Variants in TMEM154 observed in about 807,000 individuals in gnomAD.
TMEM154 encodes the protein transmembrane protein 154.
TMEM154 carries 27 observed loss-of-function variants against 24.5 expected under a neutral mutation model. The ratio of observed to expected loss-of-function variants is 1.10; its 90% CI spans 0.81 to 1.52. The LOEUF (loss-of-function observed/expected upper bound fraction) is 1.52, where lower values mean the gene tolerates loss of function less well. Among genes scored for constraint, TMEM154 ranks in the 40% most tolerant of loss-of-function variants. TMEM154 has a pLI of 0.00. For missense variants in TMEM154, 228 were observed against 213.4 expected, an observed-to-expected ratio of 1.07 and a Z score of -0.43; for synonymous variants, 67 against 76.8, an observed-to-expected ratio of 0.87 and a Z score of 0.67.
At chr4:152,660,203 T>C (rs1379076671) in intron 1 of TMEM154, among the ~76,000 whole-genome samples, 2 of 152,054 alleles carry the variant, frequency 1.3e-5, no homozygotes, top group African/African-American at 2.4e-5. Flanking sequence ...GGAGAACTAC[T>C]GCAGCCAGAT....
intron 6 of TMEM154, among the ~76,000 whole-genome samples, chr4:152,633,893 T>C (rs535316723): frequency 2.0e-5 from 3 of 152,032 alleles, no homozygotes; most frequent in African/African-American, 7.2e-5. Flanking sequence ...CTGCAATTAC[T>C]TTTGCACCAA....
intron 1 of TMEM154, 78 bp from the exon 2 acceptor site, chr4:152,653,005 T>G: frequency 7.2e-7 from 1 of 1,382,556 alleles, no homozygotes. Context: ...TTTTAAATTA[T>G]TCCTAGATAC....
Position 152,657,958 on chromosome 4 carries a change from T to G in TMEM154, c.65-5031A>C, listed in dbSNP as rs182914544. On this transcript the variant is annotated intron_variant, in intron 1 of 6. Transcript: ENST00000304385. The stretch of plus-strand genomic sequence containing the variant: ...CTGAGGGAATTCGTTACCACTAGAC[T>G]GGCCCTAAAAGAAATGCTTAAGGGA... Among the ~76,000 whole-genome samples, 200 of 152,306 alleles carry G rather than the reference T, an allele frequency of 1.3e-3. 1 individual carries two copies. In the South Asian group the frequency reaches 0.02, roughly 15 times the overall value.
intron 5 of TMEM154, among the ~76,000 whole-genome samples, chr4:152,642,450 T>C (rs186326063): frequency 6.6e-6 from 1 of 152,294 alleles, no homozygotes; most frequent in Admixed American, 6.5e-5. Flanking sequence ...ATTGATTTAC[T>C]AAAAAGTAAG....
rs562143778 is a variant in TMEM154, at chr4:152,672,655, C to T, written c.64+7215G>A. ...GACCATCTTCAAAGAGACTGGGAGA[C>T]GTGAAAAAGAAAGATGGAGGAGAGC... On this transcript the variant is annotated intron_variant, in intron 1 of 6. Transcript: ENST00000304385. Among the ~76,000 whole-genome samples the T allele has an allele frequency of 7.2e-5, 11 of 152,188 alleles. No homozygotes were observed. The East Asian group carries it at 7.7e-4, about 11-fold the overall frequency.
At chr4:152,634,285 T>C (rs980424842) in intron 6 of TMEM154, among the ~76,000 whole-genome samples, 2 of 152,202 alleles carry the variant, frequency 1.3e-5, no homozygotes, top group East Asian at 3.8e-4. Context: ...CCAGTCTATC[T>C]TGTAACAATC....
intron 1 of TMEM154, among the ~76,000 whole-genome samples, chr4:152,658,888 A>G (rs866039681): frequency 6.6e-5 from 10 of 152,238 alleles, no homozygotes; most frequent in Middle Eastern, 3.4e-3. Context: ...ATGCAGAGAT[A>G]AGGGAACTCT....
rs575175506 is a variant in TMEM154 at position 152,657,960 on chromosome 4, G to C, written c.65-5033C>G. 2.0e-5 allele frequency among the ~76,000 whole-genome samples: 3 copies of C among 152,246 alleles called. No homozygotes were observed. The East Asian group carries it at 5.8e-4, about 29-fold the overall frequency. The stretch of plus-strand genomic sequence containing the variant: ...GAGGGAATTCGTTACCACTAGACTG[G>C]CCCTAAAAGAAATGCTTAAGGGAGT... On this transcript the variant is annotated intron_variant, in intron 1 of 6. Coordinates refer to ENST00000304385, the MANE Select transcript of TMEM154 (RefSeq NM_152680.3).
At chr4:152,635,015 C>A (rs550170891) in intron 6 of TMEM154, among the ~76,000 whole-genome samples, 1 of 152,074 alleles carries the variant, frequency 6.6e-6, no homozygotes. Flanking sequence ...CAAGAAGGAT[C>A]TATATACGTT....
intron 1 of TMEM154, among the ~76,000 whole-genome samples, chr4:152,677,797 T>A (rs941439446): frequency 2.0e-5 from 3 of 152,204 alleles, no homozygotes; most frequent in African/African-American, 4.8e-5. Flanking sequence ...TCATATCCAT[T>A]CTAGGGATGA....
At position 152,626,275 on chromosome 4, in the gene TMEM154, AG is replaced by A. The variant is rs1751919166; in HGVS notation, c.*2270del. 6.6e-6 allele frequency: 1 copy of A among 152,666 alleles called. No homozygotes were observed. The highest frequency in any genetic ancestry group is 2.1e-4 in the South Asian group (1 of 4,830). 9.5% of individuals were successfully genotyped at this position (152,666 alleles called of 1,614,324 possible). ...TTTGTTCTGATTGCCCTATCCAATT[AG>A]GGCAAATTAGTGAGGGTTTTTTTGG... On this transcript the variant is annotated 3_prime_UTR_variant, in exon 7 of 7. Transcript: ENST00000304385.
At chr4:152,645,182 T>C (rs1752335490) in intron 3 of TMEM154, among the ~76,000 whole-genome samples, 1 of 152,160 alleles carries the variant, frequency 6.6e-6, no homozygotes, top group Non-Finnish European at 1.5e-5. Flanking sequence ...AGGGATCGTG[T>C]CTGTCTTATT....
intron 3 of TMEM154, among the ~76,000 whole-genome samples, chr4:152,652,102 A>G (rs1351753856): frequency 6.6e-6 from 1 of 152,216 alleles, no homozygotes; most frequent in African/African-American, 2.4e-5. Context: ...AGTAATATCA[A>G]AGATAACTGA....
At chr4:152,659,137 T>C (rs1342205185) in intron 1 of TMEM154, among the ~76,000 whole-genome samples, 2 of 152,162 alleles carry the variant, frequency 1.3e-5, no homozygotes, top group Non-Finnish European at 1.5e-5. Context: ...GTTGAATGGA[T>C]AAATAAAATG....
intron 6 of TMEM154, among the ~76,000 whole-genome samples, chr4:152,630,690 T>C (rs916958789): frequency 6.6e-6 from 1 of 152,240 alleles, no homozygotes; most frequent in Non-Finnish European, 1.5e-5. Flanking sequence ...ATTTTTAAAG[T>C]TAATTATTAT....
intron 1 of TMEM154, among the ~76,000 whole-genome samples, chr4:152,653,695 C>T (rs1227835397): frequency 6.6e-6 from 1 of 151,826 alleles, no homozygotes; most frequent in Non-Finnish European, 1.5e-5. Flanking sequence ...TGTCTGTGTC[C>T]TAATATTTAA....
At position 152,652,894 on chromosome 4, in the gene TMEM154, G is replaced by GT. The variant is rs776917824; in HGVS notation, c.97dup (p.Thr33AsnfsTer6). ...ATTTGGTCTTTCAGATTCCACAGTT[G>GT]TATCTCCTGAGTTTTCTAATTCCTC... On this transcript the variant is annotated frameshift_variant, in exon 2 of 7. Coordinates refer to ENST00000304385, the MANE Select transcript of TMEM154 (RefSeq NM_152680.3). LOFTEE classifies it high-confidence loss of function. The GT allele has an allele frequency of 3.1e-6, 5 of 1,611,504 alleles. No individual in the cohort carries two copies. The Admixed American group carries it at 5.0e-5, about 16-fold the overall frequency.
At chr4:152,640,892 C>CCCAA in intron 6 of TMEM154, 36 bp downstream of exon 6, 1 of 1,454,088 alleles carries the variant, frequency 6.9e-7, no homozygotes, top group Non-Finnish European at 9.6e-7. Context: ...CGCCCCCCGC[C>CCCAA]ATATACATGT....
intron 1 of TMEM154, among the ~76,000 whole-genome samples, chr4:152,677,150 A>G (rs1047438459): frequency 1.1e-4 from 17 of 152,148 alleles, no homozygotes; most frequent in African/African-American, 3.9e-4. Flanking sequence ...CACCCATTCC[A>G]TTATAGTCCC....
Sources: gnomAD v4.1 joint callset for allele counts (sites outside exome capture counted in the v4.1 genomes callset) on GRCh38, gnomAD v4.1.1 for gene constraint, MANE v1.5 for transcripts, NCBI Gene and HGNC (gene_info 2026-07-23, HGNC 2026-07-21) for gene names.